The following SDK1 variants were observed in gnomAD, a reference collection of about 807,000 sequenced individuals.
SDK1 encodes the protein sidekick cell adhesion molecule 1, also known as protein sidekick-1.
SDK1 carries 157 observed loss-of-function variants against 245.5 expected under a neutral mutation model. The ratio of observed to expected loss-of-function variants is 0.64; its 90% confidence interval spans 0.56 to 0.73. The LOEUF is 0.73. Among genes scored for constraint, SDK1 ranks in the 30% least tolerant of loss-of-function variants. The probability of loss-of-function intolerance (pLI) is 0.00; values close to 1 mark genes in which losing one functional copy is unlikely to be tolerated. For missense variants in SDK1, 3,583 were observed against 3,002.3 expected, an observed-to-expected ratio of 1.19 and a Z score of -4.52; for synonymous variants, 1,647 against 1,278.5, an observed-to-expected ratio of 1.29 and a Z score of -6.15.
rs1180950417 is a variant in SDK1, at chr7:3,529,954, GC to G, written c.299-89124del. Among the ~76,000 whole-genome samples the G allele has an allele frequency of 1.6e-4, 24 of 152,244 alleles. No homozygotes were observed. The South Asian group carries it at 1.7e-3, about 11-fold the overall frequency. The stretch of plus-strand genomic sequence containing the variant: ...TAGGGGACGTGGCAGAGAGGGACAG[GC>G]CTGAACTCTTACTATTATGTGATAA... On this transcript the variant is annotated intron_variant, in intron 1 of 44. Coordinates refer to ENST00000404826, the MANE Select transcript of SDK1 (RefSeq NM_152744.4).
intron 33 of SDK1, among the ~76,000 whole-genome samples, chr7:4,175,074 TGCCTACCTCACGC>T (rs113763414): frequency 0.015 from 2,323 of 152,348 alleles, 60 homozygotes; most frequent in African/African-American, 0.053. Context: ...GCACCAGGGC[TGCCTACCTCACGC>T]GCCAATGCCA....
At chr7:3,446,365 T>C (rs149182538) in intron 1 of SDK1, among the ~76,000 whole-genome samples, 58 of 152,280 alleles carry the variant, frequency 3.8e-4, no homozygotes, top group African/African-American at 1.4e-3. Context: ...CCAAGGCTTG[T>C]GTGCATCTAA....
intron 4 of SDK1, among the ~76,000 whole-genome samples, chr7:3,790,902 C>G (rs1781061741): frequency 6.6e-6 from 1 of 152,036 alleles, no homozygotes; most frequent in Admixed American, 6.6e-5. Context: ...GGGGCAGAAG[C>G]TAAAGTGTGT....
chr7:3,578,716 G>T (rs191367746), intron 1 of SDK1, among the ~76,000 whole-genome samples: 1 of 151,792 alleles, frequency 6.6e-6, no homozygotes, highest in African/African-American at 2.4e-5. Context: ...CCGTTTATAG[G>T]CTCTCTGCAG....
intron 5 of SDK1, among the ~76,000 whole-genome samples, chr7:3,904,992 CAAA>C (rs869287759): frequency 8.3e-6 from 1 of 120,384 alleles, no homozygotes; most frequent in East Asian, 2.0e-4. Flanking sequence ...GACTCCGTCT[CAAA>C]AAAAAAAAAA....
chr7:3,774,406 T>G (rs1338890315), intron 4 of SDK1, among the ~76,000 whole-genome samples: 2 of 152,144 alleles, frequency 1.3e-5, no homozygotes, highest in Non-Finnish European at 2.9e-5. Context: ...GACAGTGTCC[T>G]TTTTGCCTAC....
Position 3,301,707 on chromosome 7 carries a change from G to C in SDK1, c.121G>C (p.Ala41Pro). The change falls in exon 1 of 45, where the codon GCG becomes CCG. Residue 41 changes from alanine (A) to proline (P), a missense_variant. Physicochemically the swap from Ala to Pro is conservative, Grantham distance 27. Coordinates refer to ENST00000404826, the MANE Select transcript of SDK1 (RefSeq NM_152744.4). ...SPPGRARPSLAPRPGPEPSRP... is the reference protein window; with the variant it reads ...SPPGRARPSLPPRPGPEPSRP... ...GCCCGGCCGCGCCCGCCCCTCGCTG[G>C]CGCCGCGCCCCGGCCCGGAGCCCTC... 1.0e-6 allele frequency: 1 copy of C among 975,740 alleles called. No individual in the cohort carries two copies. The highest frequency in any genetic ancestry group is 1.2e-6 in the Non-Finnish European group (1 of 825,262). The allele number at this position is 975,740 out of a possible 1,614,324, so 60.4% of individuals were successfully genotyped here.
At chr7:3,310,353 G>C (rs1184897137) in intron 1 of SDK1, among the ~76,000 whole-genome samples, 1 of 152,210 alleles carries the variant, frequency 6.6e-6, no homozygotes, top group African/African-American at 2.4e-5. Flanking sequence ...GAAGAAACCA[G>C]AATGAATGAC....
intron 5 of SDK1, among the ~76,000 whole-genome samples, chr7:3,947,177 A>G (rs1780610532): frequency 6.6e-6 from 1 of 151,992 alleles, no homozygotes; most frequent in South Asian, 2.1e-4. Context: ...ACACACACAC[A>G]CGCTTCTTTA....
At chr7:4,104,222 G>A (rs1026007411) in intron 22 of SDK1, among the ~76,000 whole-genome samples, 6 of 152,168 alleles carry the variant, frequency 3.9e-5, no homozygotes, top group African/African-American at 1.2e-4. Context: ...ACCACACCTA[G>A]CTAGATTTTG....
intron 1 of SDK1, among the ~76,000 whole-genome samples, chr7:3,304,482 T>C (rs1779365944): frequency 1.3e-5 from 2 of 152,200 alleles, no homozygotes; most frequent in African/African-American, 4.8e-5. Flanking sequence ...TCAGTAGACC[T>C]CCTAGATTCA....
chr7:3,780,779 G>A (rs551481314), intron 4 of SDK1, among the ~76,000 whole-genome samples: 1 of 152,058 alleles, frequency 6.6e-6, no homozygotes, highest in South Asian at 2.1e-4. Context: ...TAAATGCAGG[G>A]GCTAGTCTTG....
rs181565522 is a variant in SDK1 at position 3,399,625 on chromosome 7, G to T, written c.298+97741G>T. ...GTTACTTCGTATAGTGACTTCTCTG[G>T]ACTAATCTCATAAAGTTTATTTTCT... On this transcript the variant is annotated intron_variant, in intron 1 of 44. Transcript: ENST00000404826. Among the ~76,000 whole-genome samples the T allele has an allele frequency of 9.2e-5, 14 of 152,212 alleles. No homozygotes were observed. The East Asian group carries it at 2.7e-3, about 29-fold the overall frequency.
intron 4 of SDK1, among the ~76,000 whole-genome samples, chr7:3,767,424 T>C (rs1022624172): frequency 5.9e-5 from 9 of 152,196 alleles, no homozygotes; most frequent in African/African-American, 1.7e-4. Flanking sequence ...GATGAGACAG[T>C]TTACAGTGTG....
chr7:3,998,291 C>T (rs1784828126), intron 14 of SDK1, among the ~76,000 whole-genome samples: 2 of 152,264 alleles, frequency 1.3e-5, no homozygotes, highest in Admixed American at 1.3e-4. Context: ...CTCCCTGCAA[C>T]AGCTGGCATG....
intron 4 of SDK1, among the ~76,000 whole-genome samples, chr7:3,655,481 A>ATATATATATATATATATG (rs1783146699): frequency 1.3e-5 from 1 of 76,280 alleles, no homozygotes; most frequent in African/African-American, 4.6e-5. Flanking sequence ...ATATATATAT[A>ATATATATATATATATATG]TATATATATA....
At chr7:4,150,167 C>A (rs558260989) in intron 30 of SDK1, among the ~76,000 whole-genome samples, 4 of 152,278 alleles carry the variant, frequency 2.6e-5, no homozygotes, top group South Asian at 2.1e-4. Context: ...TTAGAAGCCA[C>A]CCCAGGAGTC....
intron 32 of SDK1, among the ~76,000 whole-genome samples, chr7:4,168,971 T>C (rs1035414492): frequency 2.0e-5 from 3 of 152,166 alleles, no homozygotes; most frequent in African/African-American, 7.2e-5. Context: ...CCTGGGACCA[T>C]CTGGGTGGAC....
intron 4 of SDK1, among the ~76,000 whole-genome samples, chr7:3,667,538 C>G (rs1428204696): frequency 1.3e-5 from 2 of 152,140 alleles, no homozygotes; most frequent in African/African-American, 2.4e-5. Context: ...GATCCACTAC[C>G]ACAATCATAA....
Sources: gnomAD v4.1 joint callset for allele counts (sites outside exome capture counted in the v4.1 genomes callset) on GRCh38, gnomAD v4.1.1 for gene constraint, MANE v1.5 for transcripts, NCBI Gene and HGNC (gene_info 2026-07-23, HGNC 2026-07-21) for gene names.